Variants in MARK3 observed in about 807,000 individuals in gnomAD.
MARK3 encodes the protein MAP/microtubule affinity-regulating kinase 3.
Under a neutral mutation model 90.1 loss-of-function variants are expected in MARK3, and 46 were observed. The ratio of observed to expected loss-of-function variants is 0.51; its 90% CI spans 0.40 to 0.65. The LOEUF (loss-of-function observed/expected upper bound fraction) is 0.65. Among genes scored for constraint, MARK3 ranks in the 30% least tolerant of loss-of-function variants. The probability of loss-of-function intolerance (pLI) is 0.00; values close to 1 mark genes in which losing one functional copy is unlikely to be tolerated. For missense variants in MARK3, 818 were observed against 947.2 expected (o/e 0.86, Z 1.79); for synonymous variants, 321 against 332.6 (o/e 0.97, Z 0.38).
At chr14:103,418,694 G>A (rs1235375901) in intron 2 of MARK3, among the ~76,000 whole-genome samples, 1 of 152,106 alleles carries the variant, frequency 6.6e-6, no homozygotes, top group African/African-American at 2.4e-5. Context: ...GTTTAGTCAC[G>A]AGTTTGTTGG....
chr14:103,480,315 A>T, intron 13 of MARK3, 72 bp from the exon 14 acceptor site: 1 of 887,956 alleles, frequency 1.1e-6, no homozygotes, highest in Non-Finnish European at 1.8e-6. Context: ...CTATTTATGT[A>T]GATAAGTTCA....
intron 2 of MARK3, among the ~76,000 whole-genome samples, chr14:103,406,824 GTTTTGT>G (rs1225720726): frequency 2.0e-5 from 3 of 149,600 alleles, no homozygotes; most frequent in South Asian, 4.2e-4. Flanking sequence ...GGAGTTTTTT[GTTTTGT>G]TTTTGTTTTT....
intron 3 of MARK3, among the ~76,000 whole-genome samples, chr14:103,432,764 G>T (rs2092618761): frequency 6.6e-6 from 1 of 152,194 alleles, no homozygotes; most frequent in Non-Finnish European, 1.5e-5. Flanking sequence ...GCTAAGATGG[G>T]AGGATCACTT....
At chr14:103,431,888 T>C (rs2092592712) in intron 3 of MARK3, among the ~76,000 whole-genome samples, 1 of 152,160 alleles carries the variant, frequency 6.6e-6, no homozygotes, top group Non-Finnish European at 1.5e-5. Context: ...TTTTCTCTTA[T>C]GCAGAGTAAA....
intron 2 of MARK3, among the ~76,000 whole-genome samples, chr14:103,423,311 A>G (rs1276306673): frequency 6.6e-6 from 1 of 151,662 alleles, no homozygotes; most frequent in Non-Finnish European, 1.5e-5. Flanking sequence ...AGTGGAAGAT[A>G]AGGATTTTTC....
At chr14:103,395,772 T>C (rs1194628017) in intron 1 of MARK3, among the ~76,000 whole-genome samples, 1 of 152,214 alleles carries the variant, frequency 6.6e-6, no homozygotes, top group Non-Finnish European at 1.5e-5. Flanking sequence ...TTCCTCAGAA[T>C]TTTGTTTTCT....
At chr14:103,415,687 A>G (rs2140898114) in intron 2 of MARK3, among the ~76,000 whole-genome samples, 1 of 152,322 alleles carries the variant, frequency 6.6e-6, no homozygotes, top group South Asian at 2.1e-4. Context: ...CACGAACTAC[A>G]GAACTCACTT....
intron 15 of MARK3, among the ~76,000 whole-genome samples, chr14:103,492,252 T>G (rs949631685): frequency 1.3e-5 from 2 of 152,174 alleles, no homozygotes; most frequent in Non-Finnish European, 2.9e-5. Flanking sequence ...AACTAGCATT[T>G]AGGAGGTTTT....
intron 2 of MARK3, chr14:103,412,532 G>T: frequency 1.8e-6 from 1 of 553,380 alleles, no homozygotes; most frequent in Non-Finnish European, 3.3e-6. Context: ...GGATATCCGT[G>T]GCCTTGGTCT....
At chr14:103,477,706 C>T (rs1009661840) in intron 13 of MARK3, among the ~76,000 whole-genome samples, 8 of 152,226 alleles carry the variant, frequency 5.3e-5, no homozygotes, top group African/African-American at 1.9e-4. Context: ...TCTGTTTAGG[C>T]TGGGCACAGT....
At chr14:103,450,267 C>T (rs936873307) in intron 4 of MARK3, among the ~76,000 whole-genome samples, 4 of 152,014 alleles carry the variant, frequency 2.6e-5, no homozygotes, top group African/African-American at 4.8e-5. Context: ...ATCTTGTTTC[C>T]TTGATTTTCA....
At chr14:103,488,094 C>G (rs987041101) in intron 14 of MARK3, among the ~76,000 whole-genome samples, 1 of 152,076 alleles carries the variant, frequency 6.6e-6, no homozygotes, top group Non-Finnish European at 1.5e-5. Context: ...GTACGTGTGT[C>G]TGTACACATG....
intron 2 of MARK3, among the ~76,000 whole-genome samples, chr14:103,419,945 T>C (rs2092135169): frequency 6.6e-6 from 1 of 152,080 alleles, no homozygotes; most frequent in Admixed American, 6.6e-5. Flanking sequence ...AGATTGCTTC[T>C]GTGAATAGCC....
chr14:103,472,734 G>A (rs1181934420), intron 12 of MARK3, among the ~76,000 whole-genome samples: 2 of 151,234 alleles, frequency 1.3e-5, no homozygotes, highest in African/African-American at 2.4e-5. Context: ...CAGGCTGGGC[G>A]CGGTGGCTCA....
intron 1 of MARK3, among the ~76,000 whole-genome samples, chr14:103,400,967 GTGTGTGTGTGTGTGTA>G (rs1017823436): frequency 2.7e-5 from 4 of 149,328 alleles, no homozygotes; most frequent in African/African-American, 1.0e-4. Context: ...GTGTGTGTGT[GTGTGTGTGTGTGTGTA>G]TGCAGGTTGT....
chr14:103,490,183 A>C (rs2093993217), intron 14 of MARK3: 1 of 152,054 alleles, frequency 6.6e-6, no homozygotes, highest in South Asian at 2.1e-4. Context: ...GGCATGGTGG[A>C]GTGCGCCTGT....
intron 14 of MARK3, among the ~76,000 whole-genome samples, chr14:103,481,702 T>C (rs1454591379): frequency 1.3e-5 from 2 of 150,520 alleles, no homozygotes; most frequent in African/African-American, 4.9e-5. Flanking sequence ...TACTAAGAAC[T>C]TGAGTATAGC....
At chr14:103,406,226 G>C (rs996282700) in intron 2 of MARK3, among the ~76,000 whole-genome samples, 5 of 150,868 alleles carry the variant, frequency 3.3e-5, no homozygotes, top group African/African-American at 1.2e-4. Flanking sequence ...GGGGGGTTAG[G>C]GGGGTGTCGG....
At position 103,479,860 on chromosome 14, in the gene MARK3, G is replaced by A. The variant is rs192717174; in HGVS notation, c.1483-527G>A. On this transcript the variant is annotated intron_variant, in intron 13 of 17. Coordinates refer to ENST00000429436, the MANE Select transcript of MARK3 (RefSeq NM_001128918.3). Reference sequence around the variant, plus strand: ...TCTCCATGTTGGTCAGGCTGGTCTCGAACTCCTCACCTCAGGAGATCCGCC... The same window carrying A: ...TCTCCATGTTGGTCAGGCTGGTCTCAAACTCCTCACCTCAGGAGATCCGCC... Among the ~76,000 whole-genome samples the A allele has an allele frequency of 2.7e-3, 410 of 152,110 alleles. 2 individuals are homozygous for A. The highest frequency in any genetic ancestry group is 9.4e-3 in the African/African-American group (392 of 41,498).
Sources: gnomAD v4.1 joint callset for allele counts (sites outside exome capture counted in the v4.1 genomes callset) on GRCh38, gnomAD v4.1.1 for gene constraint, MANE v1.5 for transcripts, NCBI Gene and HGNC (gene_info 2026-07-23, HGNC 2026-07-21) for gene names.